The following MB variants were observed in gnomAD, a reference collection of about 807,000 sequenced individuals.
The protein encoded by MB is nitrite reductase MB.
Under a neutral mutation model 14.5 loss-of-function variants are expected in MB, and 10 were observed. That is an observed-to-expected ratio of 0.69 (90% CI 0.43 to 1.17). The LOEUF (loss-of-function observed/expected upper bound fraction) is 1.17. Among genes scored for constraint, MB ranks in the 50% most tolerant of loss-of-function variants. MB has a pLI of 0.00. For missense variants in MB, 169 were observed against 192.7 expected (o/e 0.88, Z 0.73); for synonymous variants, 89 against 78.6 (o/e 1.13, Z -0.70).
At chr22:35,620,998 G>T (rs1301685246), upstream of MB, among the ~76,000 whole-genome samples, 1 of 152,206 alleles carries the variant, frequency 6.6e-6, no homozygotes, top group Non-Finnish European at 1.5e-5. Context: ...TAATGGGAAG[G>T]CACCGACATC....
upstream of MB, chr22:35,617,419 C>T (rs1030388509): frequency 1.7e-6 from 1 of 604,500 alleles, no homozygotes; most frequent in Admixed American, 2.8e-5. Context: ...CCCCTGCCCT[C>T]CTTCACTTTC....
At chr22:35,612,312 C>G (rs1225728835) in intron 1 of MB, among the ~76,000 whole-genome samples, 1 of 152,170 alleles carries the variant, frequency 6.6e-6, no homozygotes. Context: ...ACCTGATCCC[C>G]GTAGTCTCCA....
chr22:35,620,314 C>T (rs550541127), upstream of MB, among the ~76,000 whole-genome samples: 35 of 152,190 alleles, frequency 2.3e-4, no homozygotes, highest in Middle Eastern at 3.4e-3. Flanking sequence ...GGCAACAGAG[C>T]GAGCCTCCAT....
chr22:35,623,061 A>G (rs1923568784), intron 1 of MB: 1 of 151,988 alleles, frequency 6.6e-6, no homozygotes, highest in South Asian at 2.1e-4. Flanking sequence ...AAAGCCACAA[A>G]CTCATATTGT....
At chr22:35,614,306 A>T in intron 1 of MB, among the ~76,000 whole-genome samples, 1 of 152,114 alleles carries the variant, frequency 6.6e-6, no homozygotes, top group East Asian at 1.9e-4. Flanking sequence ...AAGAGCAAGG[A>T]TTCTGGGCCG....
At chr22:35,614,155 A>G (rs45616531) in intron 1 of MB, among the ~76,000 whole-genome samples, 8,673 of 152,266 alleles carry the variant, frequency 0.057, 324 homozygotes, top group Non-Finnish European at 0.084. Flanking sequence ...CTGAGGCCCA[A>G]TTGGACACTC....
intron 1 of MB, among the ~76,000 whole-genome samples, chr22:35,614,576 G>A (rs777058377): frequency 2.0e-5 from 3 of 151,800 alleles, no homozygotes; most frequent in South Asian, 2.1e-4. Flanking sequence ...GTGACTTGGC[G>A]TAAGTTACTT....
chr22:35,617,097 C>G, intron 1 of MB, 66 bp downstream of exon 1: 1 of 1,311,058 alleles, frequency 7.6e-7, no homozygotes, highest in South Asian at 1.2e-5. Context: ...AACTTTCCAC[C>G]TTGCAGCTGA....
chr22:35,614,810 G>GT (rs1248402413), intron 1 of MB, among the ~76,000 whole-genome samples: 2 of 152,076 alleles, frequency 1.3e-5, no homozygotes, highest in African/African-American at 4.8e-5. Context: ...CCATTAACCG[G>GT]TGGAGACTCT....
intron 2 of MB, 68 bp downstream of exon 2, chr22:35,610,816 A>T (rs753136665): frequency 7.0e-5 from 90 of 1,291,240 alleles, no homozygotes; most frequent in Non-Finnish European, 8.5e-5. Flanking sequence ...TTGGACTCGA[A>T]CCCAGATCCC....
At chr22:35,619,931 G>A (rs981388622), upstream of MB, among the ~76,000 whole-genome samples, 25 of 152,198 alleles carry the variant, frequency 1.6e-4, no homozygotes, top group African/African-American at 5.8e-4. Context: ...CACCTCTGGC[G>A]CCCCTTCCCT....
Position 35,608,855 on chromosome 22 carries a change from G to A in MB, c.319-1412C>T, listed in dbSNP as rs540265698. Among the ~76,000 whole-genome samples the A allele has an allele frequency of 1.2e-4, 18 of 152,256 alleles. No individual in the cohort carries two copies. The South Asian group carries it at 2.7e-3, about 23-fold the overall frequency. On this transcript the variant is annotated intron_variant, in intron 2 of 2. Coordinates refer to ENST00000397326, the MANE Select transcript of MB (RefSeq NM_005368.3). This position sits in a 1 kb window ranked among gnomAD's most constrained non-coding sequence, Gnocchi z 4.3. ...TAATTGAGAAATGGAAACACTCTCG[G>A]CACCCACCACCCTGTACAGCCCCTC...
At chr22:35,621,440 G>A (rs8140955), upstream of MB, among the ~76,000 whole-genome samples, 35 of 152,204 alleles carry the variant, frequency 2.3e-4, no homozygotes, top group African/African-American at 6.3e-4. Context: ...TTTCAGCACC[G>A]GAGAAACTTG....
intron 1 of MB, chr22:35,616,940 T>G: frequency 1.8e-6 from 1 of 545,204 alleles, no homozygotes; most frequent in African/African-American, 1.9e-5. Flanking sequence ...GGTTTGATTC[T>G]CATGCTTCCT....
At chr22:35,619,285 A>G (rs1337985791), upstream of MB, among the ~76,000 whole-genome samples, 2 of 152,234 alleles carry the variant, frequency 1.3e-5, no homozygotes, top group African/African-American at 4.8e-5. Context: ...ATAAGACTAT[A>G]CAGTTTACAA....
upstream of MB, chr22:35,621,880 C>T (rs929212988): frequency 2.6e-5 from 4 of 152,260 alleles, no homozygotes; most frequent in African/African-American, 9.7e-5. Flanking sequence ...AAGACGGGCT[C>T]TGCCATCTTC....
At chr22:35,617,079 C>A (rs2145923207) in intron 1 of MB, 84 bp downstream of exon 1, 1 of 1,018,396 alleles carries the variant, frequency 9.8e-7, no homozygotes, top group Non-Finnish European at 1.6e-6. Flanking sequence ...TGACCTACCC[C>A]ACGTGCAAAC....
chr22:35,617,945 A>G (rs1454538659), upstream of MB, among the ~76,000 whole-genome samples: 1 of 152,216 alleles, frequency 6.6e-6, no homozygotes, highest in Non-Finnish European at 1.5e-5. Flanking sequence ...CCTTTGAGAC[A>G]CCACTAATTG....
Position 35,611,099 on chromosome 22 carries a change from T to G in MB, c.103A>C (p.Lys35Gln), listed in dbSNP as rs774291143. 2 of 1,613,600 alleles carry G rather than the reference T, an allele frequency of 1.2e-6. No individual in the cohort carries two copies. The highest frequency in any genetic ancestry group is 1.7e-6 in the Non-Finnish European group (2 of 1,179,702). Residue 35 changes from lysine (K) to glutamine (Q), a missense_variant, in exon 2 of 3, where the codon AAG (lysine) becomes CAG (glutamine). Lys to Gln is a moderately conservative substitution (Grantham distance 53). Transcript: ENST00000397326. Reference protein sequence around the residue: ...HGQEVLIRLFKGHPETLEKFD... With the variant: ...HGQEVLIRLFQGHPETLEKFD... ...TTCTCCAGAGTCTCTGGGTGACCCT[T>G]AAAGAGCCTGTGGGCACAGGGAAGG... is the stretch of plus-strand genomic sequence containing the variant.
Sources: gnomAD v4.1 joint callset for allele counts (sites outside exome capture counted in the v4.1 genomes callset) on GRCh38, gnomAD v4.1.1 for gene constraint, Gnocchi (gnomAD v3.1) non-coding constraint, MANE v1.5 for transcripts, NCBI Gene and HGNC (gene_info 2026-07-23, HGNC 2026-07-21) for gene names.